Variants in IRS2 observed in about 807,000 individuals in gnomAD.
IRS2 encodes the protein insulin receptor substrate 2.
A neutral mutation model predicts 70.9 loss-of-function variants in IRS2; 28 were observed. The ratio of observed to expected loss-of-function variants is 0.39; its 90% CI spans 0.29 to 0.54. The LOEUF is 0.54. Among genes scored for constraint, IRS2 ranks in the 20% least tolerant of loss-of-function variants. The pLI is 0.59. For missense variants in IRS2, 2,081 were observed against 2,024.1 expected (o/e 1.03, Z -0.54); for synonymous variants, 1,217 against 981.9 (o/e 1.24, Z -4.48).
intron 1 of IRS2, among the ~76,000 whole-genome samples, chr13:109,764,491 G>A (rs549841023): frequency 1.9e-4 from 29 of 152,184 alleles, no homozygotes; most frequent in Non-Finnish European, 3.4e-4. Flanking sequence ...CCAAAAATGC[G>A]TATGTTCTTT....
In IRS2 at chr13:109,785,760, G is replaced by A. The variant is rs1388682833; in HGVS notation, c.294C>T (p.Cys98=). 1.9e-6 allele frequency: 3 copies of A among 1,594,754 alleles called. No individual in the cohort carries two copies. In the East Asian group the frequency reaches 6.7e-5, roughly 36 times the overall value. ...APKRVIALDC[C]LNINKRADAK... is the part of the protein sequence containing the mutation. ...CGTCGGCGCGCTTGTTGATGTTCAG[G>A]CAGCAGTCGAGAGCGATCACCCGTT... Residue 98 remains cysteine (C), a synonymous_variant, in exon 1 of 2, where the codon TGC becomes TGT. Transcript: ENST00000375856. This position sits in a 1 kb window ranked among gnomAD's most constrained non-coding sequence, Gnocchi z 9.3.
rs770091673 is a variant in IRS2, at chr13:109,783,797, T to C, written c.2257A>G (p.Met753Val). ...AGCAGCTTGCCATCTGCATGCTCCA[T>C]GGACAGCTTGGAACCGCACCACATG... Reference protein sequence around the residue: ...MRMWCGSKLSMEHADGKLLPN... With the variant: ...MRMWCGSKLSVEHADGKLLPN... Residue 753 changes from methionine (M) to valine (V), a missense_variant, in exon 1 of 2, where the codon ATG becomes GTG. Met to Val is a conservative substitution (Grantham distance 21, BLOSUM62 1). Transcript: ENST00000375856. 11 of 1,596,632 alleles carry C rather than the reference T, an allele frequency of 6.9e-6. No homozygotes were observed. In the East Asian group the frequency reaches 1.1e-4, roughly 17 times the overall value.
intron 1 of IRS2, among the ~76,000 whole-genome samples, chr13:109,770,023 G>A (rs1032076558): frequency 1.3e-5 from 2 of 152,138 alleles, no homozygotes; most frequent in South Asian, 4.1e-4. Flanking sequence ...AGAATGGGAG[G>A]AGACTCATCT....
chr13:109,767,007 C>A (rs12584136), intron 1 of IRS2, among the ~76,000 whole-genome samples: 6,351 of 152,326 alleles, frequency 0.042, 166 homozygotes, highest in Admixed American at 0.055. Context: ...AGACATTTTC[C>A]AATGCTCATG....
rs533420684 is a variant in IRS2 at position 109,782,782 on chromosome 13, G to A, written c.3272C>T (p.Pro1091Leu). Residue 1091 changes from proline (P) to leucine (L), a missense_variant, in exon 1 of 2, where the codon CCG becomes CTG. Pro to Leu is a moderately conservative substitution (Grantham distance 98, BLOSUM62 -3). Coordinates refer to ENST00000375856, the MANE Select transcript of IRS2 (RefSeq NM_003749.3). ...GGCCACGCGGGCAGCTTCTGGCTTCGGGGGGGCCGCGATAGGTTGCGGCGG... is the reference window on the plus strand; with the variant it reads ...GGCCACGCGGGCAGCTTCTGGCTTCAGGGGGGCCGCGATAGGTTGCGGCGG... ...ATPPQPIAAPPKPEAARVASP... is the reference protein window; with the variant it reads ...ATPPQPIAAPLKPEAARVASP... 6.2e-6 allele frequency: 10 copies of A among 1,601,658 alleles called. No homozygotes were observed. The highest frequency in any genetic ancestry group is 1.7e-6 in the Non-Finnish European group (2 of 1,175,164).
In IRS2 at chr13:109,782,702, C is replaced by G. The variant is rs1310757868; in HGVS notation, c.3352G>C (p.Glu1118Gln). The G allele has an allele frequency of 1.9e-6, 3 of 1,587,522 alleles. No homozygotes were observed. The highest frequency in any genetic ancestry group is 2.6e-6 in the Non-Finnish European group (3 of 1,168,446). ...GGCTGGCTGGCCTGCAGGAAGGCCT[C>G]GACTCCCGACACCTGCTCCATGAGG... ...LSLMEQVSGV[E>Q]AFLQASQPPD... The change falls in exon 1 of 2, where the codon GAG becomes CAG. Residue 1118 changes from glutamate (E) to glutamine (Q), a missense_variant. This residue lies in a region of IRS2 where 1,615 missense variants were observed against 1,459.5 expected (regional missense o/e 1.11). Transcript: ENST00000375856.
Position 109,783,990 on chromosome 13 carries a change from C to G in IRS2, c.2064G>C (p.Gln688His), listed in dbSNP as rs2138934342. The change falls in exon 1 of 2, where the codon CAG (glutamine) becomes CAC (histidine). Residue 688 changes from glutamine to histidine, a missense_variant. Gln to His is a conservative substitution (Grantham distance 24). Around this residue, in one of 4 missense-constraint regions of IRS2, gnomAD observed 1,615 missense variants for 1,459.5 expected, o/e 1.11. Coordinates refer to ENST00000375856, the MANE Select transcript of IRS2 (RefSeq NM_003749.3). ...CGGCGGCGGCCCTGGGCTGCAAGAT[C>G]TGCTTGGGGGCGGACACGCTGGCGG... ...MSPASVSAPK[Q>H]ILQPRAAAAA... 4 of 1,530,262 alleles carry G rather than the reference C, an allele frequency of 2.6e-6. No homozygotes were observed. The highest frequency in any genetic ancestry group is 3.5e-6 in the Non-Finnish European group (4 of 1,143,190). 94.8% of individuals were successfully genotyped at this position (1,530,262 alleles called of 1,614,324 possible).
chr13:109,782,123 G>T lies in IRS2; in HGVS notation c.3931C>A (p.Pro1311Thr). The T allele has an allele frequency of 6.2e-7, 1 of 1,609,638 alleles. No individual in the cohort carries two copies. The highest frequency in any genetic ancestry group is 8.5e-7 in the Non-Finnish European group (1 of 1,178,674). ...GTGTTGGCAGGGGGCAGGGCACCGG[G>T]ACCCGGCCCCCCGCACCCGCCGCCG... ...STGGGCGGPGPGALPPANTYA... is the reference protein window; with the variant it reads ...STGGGCGGPGTGALPPANTYA... The change falls in exon 1 of 2, where the codon CCC becomes ACC. Residue 1311 changes from proline to threonine, a missense_variant. Pro to Thr is a conservative substitution (Grantham distance 38). Around this residue, in one of 4 missense-constraint regions of IRS2, gnomAD observed 1,615 missense variants for 1,459.5 expected, o/e 1.11. Transcript: ENST00000375856.
Position 109,782,278 on chromosome 13 carries a change from C to T in IRS2, c.3776G>A (p.Arg1259Lys), listed in dbSNP as rs775206087. The T allele has an allele frequency of 6.2e-7, 1 of 1,611,132 alleles. No homozygotes were observed. The highest frequency in any genetic ancestry group is 8.5e-7 in the Non-Finnish European group (1 of 1,179,254). The part of the protein sequence containing the change: ...NGLNYIAIDV[R>K]EEPGLPPQPQ... ...CTGGGGTGGCAGCCCGGGCTCCTCCCTCACGTCGATGGCGATGTAGTTGAG... is the reference window on the plus strand; with the variant it reads ...CTGGGGTGGCAGCCCGGGCTCCTCCTTCACGTCGATGGCGATGTAGTTGAG... The change falls in exon 1 of 2, where the codon AGG becomes AAG. Residue 1259 changes from arginine to lysine, a missense_variant. Physicochemically the swap from Arg to Lys is conservative, Grantham distance 26. Transcript: ENST00000375856.
At position 109,756,901 on chromosome 13, in the gene IRS2, C is replaced by T. The variant is rs73606279; in HGVS notation, c.4013-593G>A. On this transcript the variant is annotated intron_variant, in intron 1 of 1. Coordinates refer to ENST00000375856, the MANE Select transcript of IRS2 (RefSeq NM_003749.3). ...TCATCTACCTCTTTTTGAACGTGCC[C>T]AGCAATGGAAGGTTCCTGCACGGCC... Among the ~76,000 whole-genome samples, 5 of 152,240 alleles carry T rather than the reference C, an allele frequency of 3.3e-5. No individual in the cohort carries two copies. The East Asian group carries it at 7.7e-4, about 23-fold the overall frequency.
chr13:109,770,781 TCTA>T (rs1406610247), intron 1 of IRS2, among the ~76,000 whole-genome samples: 1 of 152,204 alleles, frequency 6.6e-6, no homozygotes, highest in Non-Finnish European at 1.5e-5. Context: ...TCCCAGGACA[TCTA>T]CTCTTGTGCT....
chr13:109,785,146 C>A lies in IRS2; in HGVS notation c.908G>T (p.Arg303Leu). The A allele has an allele frequency of 1.3e-6, 2 of 1,597,712 alleles. No homozygotes were observed. Among genetic ancestry groups the A allele is most frequent in the Non-Finnish European group, 8.5e-7 (1 of 1,173,066 alleles). ...CGACCCCGACGATTGGCTCTTACTG[C>A]GCGGCCGGAACTCGAAGAGCTCCTT... is the stretch of plus-strand genomic sequence containing the variant. ...ALKELFEFRP[R>L]SKSQSSGSSA... Residue 303 changes from arginine to leucine, a missense_variant, in exon 1 of 2, where the codon CGC becomes CTC. Coordinates refer to ENST00000375856, the MANE Select transcript of IRS2 (RefSeq NM_003749.3). This position sits in a 1 kb window ranked among gnomAD's most constrained non-coding sequence, Gnocchi z 9.3.
At chr13:109,756,946 C>T (rs1250676150) in intron 1 of IRS2, among the ~76,000 whole-genome samples, 1 of 152,172 alleles carries the variant, frequency 6.6e-6, no homozygotes. Flanking sequence ...GTTGCATAAC[C>T]CTCAACATTA....
At chr13:109,767,704 G>T (rs1042590624) in intron 1 of IRS2, among the ~76,000 whole-genome samples, 1 of 150,954 alleles carries the variant, frequency 6.6e-6, no homozygotes, top group African/African-American at 2.4e-5. Context: ...ATTCCATTCT[G>T]GAAAATCAGC....
chr13:109,783,242 G>T lies in IRS2; in HGVS notation c.2812C>A (p.Leu938Met). ...GAGGACGAGGCCGCCGACGCCAGCA[G>T]GGGAGGCGCGGGCGGCGACAGGCGG... ...GARLSPPAPP[L>M]LASAASSSSL... The change falls in exon 1 of 2, where the codon CTG (leucine) becomes ATG (methionine). Residue 938 changes from leucine to methionine, a missense_variant. Physicochemically the swap from Leu to Met is conservative, Grantham distance 15 (BLOSUM62 2). Coordinates refer to ENST00000375856, the MANE Select transcript of IRS2 (RefSeq NM_003749.3). The T allele has an allele frequency of 6.8e-7, 1 of 1,469,600 alleles. No individual in the cohort carries two copies. The highest frequency in any genetic ancestry group is 9.0e-7 in the Non-Finnish European group (1 of 1,114,704). 91.0% of individuals were successfully genotyped at this position (1,469,600 alleles called of 1,614,324 possible).
chr13:109,783,946 G>A lies in IRS2; in HGVS notation c.2108C>T (p.Pro703Leu), dbSNP rs1022209201. 14 of 1,525,274 alleles carry A rather than the reference G, an allele frequency of 9.2e-6. No homozygotes were observed. In the African/African-American group the frequency reaches 1.7e-4, roughly 18 times the overall value. 94.5% of individuals were successfully genotyped at this position (1,525,274 alleles called of 1,614,324 possible). A position where few individuals can be genotyped will look rare whatever the true frequency, so the allele number is the denominator to read the frequency against. Reference sequence around the variant, plus strand: ...TGCTGGCCCCGCAGGCCCCGCAGAAGGCACGGCGGCGGCGGCGGCGGCGGC... The same window carrying A: ...TGCTGGCCCCGCAGGCCCCGCAGAAAGCACGGCGGCGGCGGCGGCGGCGGC... ...RAAAAAAAAV[P>L]SAGPAGPAPT... is the part of the protein sequence containing the mutation. The change falls in exon 1 of 2, where the codon CCT becomes CTT. Residue 703 changes from proline to leucine, a missense_variant. This residue lies in a region of IRS2 where 1,615 missense variants were observed against 1,459.5 expected (regional missense o/e 1.11). Transcript: ENST00000375856.
Position 109,785,606 on chromosome 13 carries a change from C to G in IRS2, c.448G>C (p.Ala150Pro). The G allele has an allele frequency of 2.2e-6, 3 of 1,366,668 alleles. No homozygotes were observed. Among genetic ancestry groups the G allele is most frequent in the Non-Finnish European group, 2.8e-6 (3 of 1,054,936 alleles). The allele number at this position is 1,366,668 out of a possible 1,614,324, so 84.7% of individuals were successfully genotyped here. A position where few individuals can be genotyped will look rare whatever the true frequency, so the allele number is the denominator to read the frequency against. Reference sequence around the variant, plus strand: ...GCGGCGGCGGGGGGCGCGTCTCCGGCGGCCGCGCGGCCCTCGCTGACCAGG... The same window carrying G: ...GCGGCGGCGGGGGGCGCGTCTCCGGGGGCCGCGCGGCCCTCGCTGACCAGG... ...TDLVSEGRAA[A>P]GDAPPAAAPA... Residue 150 changes from alanine (A) to proline (P), a missense_variant, in exon 1 of 2, where the codon GCC becomes CCC. By Grantham distance (27) the Ala-to-Pro change is conservative (BLOSUM62 -1). This residue lies in a region of IRS2 where 320 missense variants were observed against 352.9 expected (regional missense o/e 0.91). Coordinates refer to ENST00000375856, the MANE Select transcript of IRS2 (RefSeq NM_003749.3). This position sits in a 1 kb window ranked among gnomAD's most constrained non-coding sequence, Gnocchi z 9.3.
At position 109,782,193 on chromosome 13, in the gene IRS2, G is replaced by T; in HGVS notation, c.3861C>A (p.Thr1287=). Residue 1287 remains threonine, a synonymous_variant, in exon 1 of 2, where the codon ACC becomes ACA. Coordinates refer to ENST00000375856, the MANE Select transcript of IRS2 (RefSeq NM_003749.3). ...QPGDKSSWGR[T]RSLGGLISAV... ...CGCTGATGAGACCCCCGAGGCTTCG[G>T]GTCCGGCCCCAGGAGCTCTTGTCTC... is the stretch of plus-strand genomic sequence containing the variant. 1 of 1,606,254 alleles carries T rather than the reference G, an allele frequency of 6.2e-7. No homozygotes were observed. The highest frequency in any genetic ancestry group is 8.5e-7 in the Non-Finnish European group (1 of 1,176,608).
intron 1 of IRS2, among the ~76,000 whole-genome samples, chr13:109,772,329 G>A (rs901598432): frequency 2.0e-5 from 3 of 152,212 alleles, no homozygotes; most frequent in Non-Finnish European, 4.4e-5. Context: ...CTGGGGAAAA[G>A]GCTTCTGGCC....
Sources: allele counts gnomAD v4.1 joint callset (sites outside exome capture counted in the v4.1 genomes callset), GRCh38; gene constraint gnomAD v4.1.1; regional missense constraint gnomAD v4.1.1; non-coding constraint Gnocchi (gnomAD v3.1); transcripts MANE v1.5; gene names NCBI Gene and HGNC (gene_info 2026-07-23, HGNC 2026-07-21).